Variants in DMD observed in about 807,000 individuals in gnomAD.
DMD encodes dystrophin.
A neutral mutation model predicts 330.1 loss-of-function variants in DMD; 63 were observed. That is an observed-to-expected ratio of 0.19 (90% CI 0.16 to 0.24). The LOEUF is 0.24. DMD is among the 10% of genes least tolerant of loss of function. The pLI, the probability that DMD is intolerant of heterozygous loss-of-function variation, is 1.00. For synonymous variants in DMD, 1,223 were observed against 959.8 expected, an observed-to-expected ratio of 1.27 and a Z score of -5.07; for missense variants, 3,344 against 2,684.1, an observed-to-expected ratio of 1.25 and a Z score of -5.43.
intron 7 of DMD, among the ~76,000 whole-genome samples, chrX:32,754,323 A>G (rs2071209139): frequency 9.0e-6 from 1 of 110,911 alleles, no homozygotes; most frequent in Admixed American, 9.7e-5. Flanking sequence ...GCTTTTAAGT[A>G]ATACAGCTAG....
chrX:32,259,729 T>A (rs1330772049), intron 43 of DMD, among the ~76,000 whole-genome samples: 1 of 111,826 alleles, frequency 8.9e-6, no homozygotes, highest in East Asian at 2.8e-4. Flanking sequence ...AAGACTGCTA[T>A]GTATTGAAGG....
At chrX:33,009,950 GTATGTGTA>G (rs1195056714) in intron 2 of DMD, among the ~76,000 whole-genome samples, 13 of 76,627 alleles carry the variant, frequency 1.7e-4, no homozygotes, top group African/African-American at 8.4e-4. Flanking sequence ...ATACACGTGT[GTATGTGTA>G]TATACACATA....
chrX:32,879,879 T>A (rs2083739815), intron 2 of DMD, among the ~76,000 whole-genome samples: 1 of 111,710 alleles, frequency 9.0e-6, no homozygotes, highest in African/African-American at 3.3e-5. Context: ...CTAGATGTAC[T>A]TGCATGTATT....
intron 67 of DMD, among the ~76,000 whole-genome samples, chrX:31,191,851 A>G (rs1472038909): frequency 8.9e-6 from 1 of 112,437 alleles, no homozygotes; most frequent in Non-Finnish European, 1.9e-5. Flanking sequence ...TGTCATTGCC[A>G]TTGTTAATAG....
chrX:32,699,338 T>C (rs754081995), intron 7 of DMD, 45 bp from the exon 8 acceptor site: 9 of 1,000,600 alleles, frequency 9.0e-6, no homozygotes, highest in Admixed American at 8.8e-5. Flanking sequence ...GTTTCTATAT[T>C]TGAGACTCTA....
intron 7 of DMD, among the ~76,000 whole-genome samples, chrX:32,725,654 C>A (rs2066792010): frequency 9.0e-6 from 1 of 110,788 alleles, no homozygotes; most frequent in African/African-American, 3.3e-5. Flanking sequence ...ATTATTAGAG[C>A]TAAAGAGAGA....
At chrX:31,628,028 T>A (rs1331947941) in intron 54 of DMD, among the ~76,000 whole-genome samples, 166 bp from the exon 55 acceptor site, 1 of 111,342 alleles carries the variant, frequency 9.0e-6, no homozygotes, top group Admixed American at 9.6e-5. Flanking sequence ...TATTGTGCAG[T>A]CTATTTACTT....
intron 44 of DMD, among the ~76,000 whole-genome samples, chrX:32,144,749 CG>C (rs1274371047): frequency 2.7e-5 from 3 of 111,824 alleles, no homozygotes; most frequent in Non-Finnish European, 5.6e-5. Context: ...ATAAAATTCA[CG>C]GGCTGGGCGC....
intron 7 of DMD, among the ~76,000 whole-genome samples, chrX:32,749,823 C>T (rs191984713): frequency 4.0e-4 from 45 of 112,291 alleles, no homozygotes; most frequent in Non-Finnish European, 7.9e-4. Context: ...AGCCAAAAAA[C>T]TCATTATTGA....
At chrX:31,574,140 T>G (rs970222495) in intron 55 of DMD, among the ~76,000 whole-genome samples, 2 of 96,092 alleles carry the variant, frequency 2.1e-5, no homozygotes, top group African/African-American at 7.7e-5. Context: ...GTTTGTTTTT[T>G]TTTTTGTTTT....
At chrX:31,321,546 T>C (rs2056414207) in intron 62 of DMD, among the ~76,000 whole-genome samples, 1 of 84,301 alleles carries the variant, frequency 1.2e-5, no homozygotes, top group African/African-American at 4.9e-5. Flanking sequence ...ATCGGGCCAC[T>C]GCACTCCAGC....
intron 48 of DMD, among the ~76,000 whole-genome samples, chrX:31,870,708 G>A (rs925760327): frequency 8.9e-6 from 1 of 111,774 alleles, no homozygotes; most frequent in Admixed American, 9.5e-5. Context: ...TGAGTCCTTT[G>A]GTAGTTTTTA....
chrX:31,572,326 A>G (rs1365025960), intron 55 of DMD, among the ~76,000 whole-genome samples: 1 of 112,042 alleles, frequency 8.9e-6, no homozygotes, highest in African/African-American at 3.2e-5. Context: ...CACACCTTGA[A>G]TCCATCAAAT....
At chrX:32,165,433 C>T (rs1203389696) in intron 44 of DMD, among the ~76,000 whole-genome samples, 5 of 112,402 alleles carry the variant, frequency 4.4e-5, no homozygotes, top group African/African-American at 1.6e-4. Flanking sequence ...TGGCTTGGGG[C>T]CTGTAGCCCC....
At chrX:31,735,868 C>G (rs1368418634) in intron 51 of DMD, among the ~76,000 whole-genome samples, 1 of 111,637 alleles carries the variant, frequency 9.0e-6, no homozygotes, top group Non-Finnish European at 1.9e-5. Context: ...TGAGAAGTGC[C>G]CTAGGTAGAC....
chrX:32,448,732 C>T, intron 26 of DMD, 94 bp from the exon 27 acceptor site: 3 of 794,358 alleles, frequency 3.8e-6, no homozygotes, highest in Non-Finnish European at 5.3e-6. Flanking sequence ...CTCACAACAT[C>T]CCAGTTAGAA....
intron 44 of DMD, among the ~76,000 whole-genome samples, chrX:32,008,927 G>C (rs2095684525): frequency 9.0e-6 from 1 of 111,392 alleles, no homozygotes; most frequent in Non-Finnish European, 1.9e-5. Flanking sequence ...ATGAAAGTCA[G>C]AATATGCAGA....
intron 63 of DMD, among the ~76,000 whole-genome samples, chrX:31,245,831 C>A (rs1156301978): frequency 9.0e-6 from 1 of 111,299 alleles, no homozygotes; most frequent in South Asian, 3.8e-4. Flanking sequence ...CATCTCTTTC[C>A]CTCTCCTCTG....
At chrX:32,983,171 C>A (rs371006432) in intron 2 of DMD, among the ~76,000 whole-genome samples, 2 of 110,524 alleles carry the variant, frequency 1.8e-5, no homozygotes, top group Non-Finnish European at 3.8e-5. Flanking sequence ...CTGAAGTAAC[C>A]CTTATCTTTC....
Sources: allele counts gnomAD v4.1 joint callset (sites outside exome capture counted in the v4.1 genomes callset), GRCh38; gene constraint gnomAD v4.1.1; transcripts MANE v1.5; gene names NCBI Gene and HGNC (gene_info 2026-07-23, HGNC 2026-07-21).